Variants in ERICH1 observed in about 807,000 individuals in gnomAD.
ERICH1 encodes glutamate rich 1, also known as glutamate-rich protein 1.
A neutral mutation model predicts 39.6 loss-of-function variants in ERICH1; 56 were observed. That is an observed-to-expected ratio of 1.41 (90% CI 1.14 to 1.77). The LOEUF is 1.77. Among genes scored for constraint, ERICH1 ranks in the 40% most tolerant of loss-of-function variants. ERICH1 has a pLI of 0.00. For synonymous variants in ERICH1, 313 were observed against 223.6 expected, an observed-to-expected ratio of 1.40 and a Z score of -3.57; for missense variants, 826 against 575.4, an observed-to-expected ratio of 1.44 and a Z score of -4.45.
rs1322694228 is a variant in ERICH1, at chr8:664,517, C to G, written c.*86G>C. Reference sequence around the variant, plus strand: ...TATGGCATAAATGTCTTTCAAGTTCCCAGAGAACTAACTCTAAGCCCATCT... The same window carrying G: ...TATGGCATAAATGTCTTTCAAGTTCGCAGAGAACTAACTCTAAGCCCATCT... On this transcript the variant is annotated 3_prime_UTR_variant, in exon 6 of 6. Coordinates refer to ENST00000262109, the MANE Select transcript of ERICH1 (RefSeq NM_207332.3). The G allele has an allele frequency of 6.9e-7, 1 of 1,443,576 alleles. No homozygotes were observed. Among genetic ancestry groups the G allele is most frequent in the Non-Finnish European group, 9.1e-7 (1 of 1,093,518 alleles). The allele number at this position is 1,443,576 out of a possible 1,614,324, so 89.4% of individuals were successfully genotyped here.
At chr8:623,638 T>C (rs1797419715) in intron 3 of ERICH1, among the ~76,000 whole-genome samples, 1 of 152,190 alleles carries the variant, frequency 6.6e-6, no homozygotes. Context: ...AGAATTACCA[T>C]TTTGTGTGCA....
intron 3 of ERICH1, among the ~76,000 whole-genome samples, chr8:655,602 ATG>A (rs1263136656): frequency 3.9e-5 from 6 of 152,030 alleles, no homozygotes; most frequent in Non-Finnish European, 5.9e-5. Context: ...TTCTGGGGGC[ATG>A]TGTGGCCTTT....
intron 3 of ERICH1, among the ~76,000 whole-genome samples, chr8:688,196 A>G (rs982759194): frequency 2.3e-4 from 32 of 141,928 alleles, no homozygotes; most frequent in African/African-American, 8.3e-4. Context: ...GGACACGGCA[A>G]GGCCCCTGAG....
chr8:708,691 T>TTTTTTTTTTTGTTTTTTTTTTTTTTG (rs1813957207), intron 2 of ERICH1, among the ~76,000 whole-genome samples: 1 of 89,322 alleles, frequency 1.1e-5, no homozygotes, highest in Non-Finnish European at 2.1e-5. Flanking sequence ...GTTTTTTTTT[T>TTTTTTTTTTTGTTTTTTTTTTTTTTG]TTTTTTTTTT....
At chr8:665,741 A>G (rs1312073942) in intron 5 of ERICH1, among the ~76,000 whole-genome samples, 1 of 152,250 alleles carries the variant, frequency 6.6e-6, no homozygotes, top group East Asian at 1.9e-4. Flanking sequence ...TAATGCTGGC[A>G]TCGCAGCTGA....
intron 3 of ERICH1, among the ~76,000 whole-genome samples, chr8:634,183 A>AAAAAAACAAACAAAAAACAAAC (rs1554481909): frequency 4.4e-5 from 6 of 135,808 alleles, no homozygotes; most frequent in African/African-American, 1.5e-4. Context: ...AAAAAAAAAA[A>AAAAAAACAAACAAAAAACAAAC]AAACAAACAA....
chr8:708,681 G>GTTTTTTTTTT lies in ERICH1; in HGVS notation c.169+7170_169+7179dup, dbSNP rs139731216. Among the ~76,000 whole-genome samples, 49 of 65,752 alleles carry GTTTTTTTTTT rather than the reference G, an allele frequency of 7.5e-4. 5 individuals are homozygous for GTTTTTTTTTT. The highest frequency in any genetic ancestry group is 1.9e-3 in the South Asian group (3 of 1,612). The allele number at this position is 65,752 out of a possible 152,430, so 43.1% of individuals were successfully genotyped here. ...GGGCTGAGTGGTTACGGGATAATGAGTTTTTTTTTTTTTTTTTTTTTTTTT... is the reference window on the plus strand; with the variant it reads ...GGGCTGAGTGGTTACGGGATAATGAGTTTTTTTTTTTTTTTTTTTTTTTTTTTTTTTTTTT... On this transcript the variant is annotated intron_variant, in intron 2 of 5. Transcript: ENST00000262109.
At chr8:724,831 C>T (rs1033846471) in intron 1 of ERICH1, among the ~76,000 whole-genome samples, 27 of 152,298 alleles carry the variant, frequency 1.8e-4, no homozygotes, top group South Asian at 2.1e-4. Flanking sequence ...CACTGAGGAA[C>T]GCTATCAAAG....
At chr8:726,074 C>G (rs1446601639) in intron 1 of ERICH1, among the ~76,000 whole-genome samples, 2 of 152,162 alleles carry the variant, frequency 1.3e-5, no homozygotes, top group Admixed American at 6.5e-5. Flanking sequence ...CACACAGTCC[C>G]ACACACGGGG....
chr8:618,663 TGA>T (rs1356637166), intron 3 of ERICH1, among the ~76,000 whole-genome samples: 1 of 152,174 alleles, frequency 6.6e-6, no homozygotes, highest in Non-Finnish European at 1.5e-5. Context: ...AGGCTGTGGT[TGA>T]GACTAACTGC....
intron 3 of ERICH1, among the ~76,000 whole-genome samples, chr8:617,611 C>G (rs778712262): frequency 6.6e-6 from 1 of 150,986 alleles, no homozygotes; most frequent in Non-Finnish European, 1.5e-5. Flanking sequence ...TCTGTTCTCA[C>G]TGCCCTCTGA....
chr8:638,187 G>A (rs1457590593), intron 3 of ERICH1, among the ~76,000 whole-genome samples: 1 of 152,256 alleles, frequency 6.6e-6, no homozygotes, highest in Non-Finnish European at 1.5e-5. Context: ...TGGGGCGCCT[G>A]GCCCTTGCCT....
chr8:650,680 G>A (rs67510848), intron 3 of ERICH1, among the ~76,000 whole-genome samples: 8,282 of 152,296 alleles, frequency 0.054, 327 homozygotes, highest in Middle Eastern at 0.075. Flanking sequence ...GGCGCAGGAC[G>A]CAAGTTCAGG....
rs771762852 is a variant in ERICH1 at position 692,593 on chromosome 8, C to T, written c.189G>A (p.Pro63=). ...EPLTDTGSET[P]TARRLYTASG... ...TGGCAGTGTAGAGCCGTCGGGCAGT[C>T]GGGGTCTCAGAGCCAGTGTCTGCAA... The change falls in exon 3 of 6, where the codon CCG becomes CCA. Residue 63 remains proline (P), a synonymous_variant. Transcript: ENST00000262109. The T allele has an allele frequency of 8.1e-6, 13 of 1,603,862 alleles. No homozygotes were observed. Among genetic ancestry groups the T allele is most frequent in the South Asian group, 4.4e-5 (4 of 90,308 alleles).
intron 3 of ERICH1, among the ~76,000 whole-genome samples, chr8:642,449 A>C (rs1458189942): frequency 7.2e-6 from 1 of 138,656 alleles, no homozygotes; most frequent in East Asian, 2.1e-4. Context: ...GGTTCACGCC[A>C]TTCTCCTGCC....
chr8:673,590 A>G lies in ERICH1; in HGVS notation c.762T>C (p.Ser254=), dbSNP rs142296168. 2.6e-6 allele frequency: 4 copies of G among 1,527,542 alleles called. No homozygotes were observed. The African/African-American group carries it at 6.2e-5, about 24-fold the overall frequency. 94.6% of individuals were successfully genotyped at this position (1,527,542 alleles called of 1,614,324 possible). A position where few individuals can be genotyped will look rare whatever the true frequency, so the allele number is the denominator to read the frequency against. ...RARQEEGADA[S]EEDPTPAGEE... is the part of the protein sequence containing the mutation. ...CCCCGGCCGGTGTCGGATCTTCCTCACTGGCGTCCGCACCCTCTTCCTGCC... is the reference window on the plus strand; with the variant it reads ...CCCCGGCCGGTGTCGGATCTTCCTCGCTGGCGTCCGCACCCTCTTCCTGCC... Residue 254 remains serine, a synonymous_variant, in exon 4 of 6, where the codon AGT becomes AGC. Transcript: ENST00000262109.
At chr8:689,891 G>A (rs754120679) in intron 3 of ERICH1, among the ~76,000 whole-genome samples, 3 of 152,286 alleles carry the variant, frequency 2.0e-5, no homozygotes, top group South Asian at 2.1e-4. Flanking sequence ...GTGTTCCTAC[G>A]ACGCGCCAGG....
At position 692,429 on chromosome 8, in the gene ERICH1, C is replaced by T. The variant is rs370318204; in HGVS notation, c.304+49G>A. On this transcript the variant is annotated intron_variant, in intron 3 of 5. Transcript: ENST00000262109. Reference sequence around the variant, plus strand: ...TACAATACCAGAAAATTGGGAAATACGAGCTTATCTGCAAAGATGTCTACC... The same window carrying T: ...TACAATACCAGAAAATTGGGAAATATGAGCTTATCTGCAAAGATGTCTACC... The T allele has an allele frequency of 5.0e-6, 8 of 1,610,908 alleles. No individual in the cohort carries two copies. In the African/African-American group the frequency reaches 8.0e-5, roughly 16 times the overall value.
rs550652280 is a variant in ERICH1 at position 664,822 on chromosome 8, T to G, written c.1259-146A>C. On this transcript the variant is annotated intron_variant, in intron 5 of 5. Transcript: ENST00000262109. ...TGCAACTTTGGCATGAAACTGATGT[T>G]GAAAGTGACACATTATACTTGTTAA... 2.0e-5 allele frequency: 12 copies of G among 608,122 alleles called. No individual in the cohort carries two copies. The East Asian group carries it at 3.0e-4, about 15-fold the overall frequency. The allele number at this position is 608,122 out of a possible 1,614,324, so 37.7% of individuals were successfully genotyped here. A position where few individuals can be genotyped will look rare whatever the true frequency, so the allele number is the denominator to read the frequency against.
Sources: gnomAD v4.1 joint callset for allele counts (sites outside exome capture counted in the v4.1 genomes callset) on GRCh38, gnomAD v4.1.1 for gene constraint, MANE v1.5 for transcripts, NCBI Gene and HGNC (gene_info 2026-07-23, HGNC 2026-07-21) for gene names.